The following CDH18 variants were observed in gnomAD, a reference collection of about 807,000 sequenced individuals.
The protein encoded by CDH18 is cadherin-18.
A neutral mutation model predicts 67.9 loss-of-function variants in CDH18; 31 were observed. The observed-to-expected ratio is 0.46, with a 90% CI of 0.34 to 0.62. The LOEUF (loss-of-function observed/expected upper bound fraction) is 0.62, where lower values mean the gene tolerates loss of function less well. Among genes scored for constraint, CDH18 ranks in the 20% least tolerant of loss-of-function variants. The pLI is 0.01. For synonymous variants in CDH18, 362 were observed against 347.2 expected (o/e 1.04, Z -0.48); for missense variants, 890 against 975.5 (o/e 0.91, Z 1.17).
At chr5:20,325,347 A>G (rs925955209) in intron 1 of CDH18, among the ~76,000 whole-genome samples, 9 of 152,176 alleles carry the variant, frequency 5.9e-5, no homozygotes, top group Non-Finnish European at 1.0e-4. Flanking sequence ...TTCCTAGTAT[A>G]TTGTATCCCA....
intron 5 of CDH18, among the ~76,000 whole-genome samples, chr5:19,716,139 G>A (rs1169622357): frequency 6.6e-6 from 1 of 151,996 alleles, no homozygotes; most frequent in Non-Finnish European, 1.5e-5. Flanking sequence ...CTTAAAGAAG[G>A]AGACAAGATA....
chr5:19,845,042 C>T lies in CDH18; in HGVS notation c.-256-5800G>A, dbSNP rs540540436. 2.1e-3 allele frequency among the ~76,000 whole-genome samples: 323 copies of T among 152,210 alleles called. 1 individual carries two copies. Among genetic ancestry groups the T allele is most frequent in the African/African-American group, 7.4e-3 (306 of 41,536 alleles). On this transcript the variant is annotated intron_variant, in intron 2 of 12. Transcript: ENST00000382275. The stretch of plus-strand genomic sequence containing the variant: ...CTAGCCCTTACTAAGAAGACATGCA[C>T]AGTGTTAAATATTACCAAGATGTTA...
chr5:19,926,414 T>A (rs533466515), intron 2 of CDH18, among the ~76,000 whole-genome samples: 1 of 152,304 alleles, frequency 6.6e-6, no homozygotes, highest in African/African-American at 2.4e-5. Context: ...GGTGTTTCTA[T>A]CTGAATTTGC....
chr5:20,540,596 A>G (rs62354273), intron 1 of CDH18, among the ~76,000 whole-genome samples: 2,618 of 152,300 alleles, frequency 0.017, 36 homozygotes, highest in African/African-American at 0.029. Flanking sequence ...AAGAATGGGT[A>G]GAAACACCTG....
intron 5 of CDH18, among the ~76,000 whole-genome samples, chr5:19,635,079 T>C (rs1296032721): frequency 6.6e-6 from 1 of 152,176 alleles, no homozygotes; most frequent in African/African-American, 2.4e-5. Flanking sequence ...TAACACAATG[T>C]TTACACATTA....
chr5:20,534,939 T>A (rs935021833), intron 1 of CDH18, among the ~76,000 whole-genome samples: 3 of 152,020 alleles, frequency 2.0e-5, no homozygotes, highest in African/African-American at 7.2e-5. Context: ...ATTAACACTT[T>A]TGATATTTTT....
rs539849649 is a variant in CDH18, at chr5:20,362,570, T to C, written c.-579-107065A>G. Among the ~76,000 whole-genome samples the C allele has an allele frequency of 8.5e-5, 13 of 152,252 alleles. No individual in the cohort carries two copies. In the East Asian group the frequency reaches 2.3e-3, roughly 27 times the overall value. ...TGCTTCTACTTGGCTTTGGAAGTTG[T>C]ATAGATCACTGACAAGCTACAAAGT... On this transcript the variant is annotated intron_variant, in intron 1 of 14. Transcript: ENST00000507958.
intron 5 of CDH18, among the ~76,000 whole-genome samples, chr5:19,709,914 C>G (rs920914741): frequency 2.0e-5 from 3 of 152,070 alleles, no homozygotes; most frequent in Non-Finnish European, 4.4e-5. Context: ...GTGGGTGGAT[C>G]ACCTGAGGTC....
intron 5 of CDH18, among the ~76,000 whole-genome samples, chr5:19,663,584 G>C (rs1327488986): frequency 6.6e-6 from 1 of 151,904 alleles, no homozygotes; most frequent in Non-Finnish European, 1.5e-5. Flanking sequence ...CTGAAGGAAT[G>C]AAAATGAGAC....
At chr5:19,843,454 T>G (rs1782574271) in intron 2 of CDH18, among the ~76,000 whole-genome samples, 1 of 151,934 alleles carries the variant, frequency 6.6e-6, no homozygotes, top group African/African-American at 2.4e-5. Flanking sequence ...AAACTCCACC[T>G]AGATTTCAGA....
chr5:19,792,280 G>A (rs1776443016), intron 3 of CDH18, among the ~76,000 whole-genome samples: 1 of 152,060 alleles, frequency 6.6e-6, no homozygotes, highest in South Asian at 2.1e-4. Context: ...TCTAGAGCTG[G>A]GGCGTTCATC....
intron 5 of CDH18, among the ~76,000 whole-genome samples, chr5:19,639,966 A>T (rs893602375): frequency 2.0e-5 from 3 of 152,192 alleles, no homozygotes; most frequent in Non-Finnish European, 4.4e-5. Flanking sequence ...GTGAGATAAT[A>T]TATGCAAAAT....
intron 1 of CDH18, among the ~76,000 whole-genome samples, chr5:20,401,649 GTTTTC>G (rs974821144): frequency 6.6e-6 from 1 of 151,922 alleles, no homozygotes; most frequent in African/African-American, 2.4e-5. Context: ...AAAATGTCTT[GTTTTC>G]TTTTCGTCTT....
At chr5:19,514,037 C>T (rs1372673667) in intron 10 of CDH18, among the ~76,000 whole-genome samples, 1 of 152,136 alleles carries the variant, frequency 6.6e-6, no homozygotes, top group Non-Finnish European at 1.5e-5. Flanking sequence ...TGATGTTCCC[C>T]ACCCTGTGTC....
At chr5:20,283,978 G>A (rs1746487728) in intron 1 of CDH18, among the ~76,000 whole-genome samples, 1 of 151,990 alleles carries the variant, frequency 6.6e-6, no homozygotes. Context: ...ATTATGTTAA[G>A]TAAAATAAGC....
rs897376760 is a variant in CDH18 at position 19,996,132 on chromosome 5, T to C, written c.-517-4118A>G. 1.6e-4 allele frequency among the ~76,000 whole-genome samples: 25 copies of C among 152,158 alleles called. 1 individual carries two copies. The highest frequency in any genetic ancestry group is 1.3e-4 in the Non-Finnish European group (9 of 67,994). ...TTGATCTTTTCAGAACGATATTCAA[T>C]TTACCAATGTGCATTTATGCCCATT... On this transcript the variant is annotated intron_variant, in intron 2 of 14. Transcript: ENST00000507958.
intron 3 of CDH18, among the ~76,000 whole-genome samples, chr5:19,822,824 CT>C (rs1780016528): frequency 6.6e-6 from 1 of 152,152 alleles, no homozygotes; most frequent in Admixed American, 6.5e-5. Context: ...GAGGAGGCAA[CT>C]GGTCTGACCA....
chr5:20,058,738 T>G (rs1365709284), intron 2 of CDH18, among the ~76,000 whole-genome samples: 1 of 152,198 alleles, frequency 6.6e-6, no homozygotes, highest in Non-Finnish European at 1.5e-5. Flanking sequence ...GTGAATTTGT[T>G]TGTCTCATTA....
intron 2 of CDH18, among the ~76,000 whole-genome samples, chr5:20,048,986 T>G (rs947892533): frequency 6.6e-6 from 1 of 151,702 alleles, no homozygotes; most frequent in Non-Finnish European, 1.5e-5. Context: ...TTAAATAAAA[T>G]AGAATTCAAA....
Sources: gnomAD v4.1 joint callset for allele counts (sites outside exome capture counted in the v4.1 genomes callset) on GRCh38, gnomAD v4.1.1 for gene constraint, MANE v1.5 for transcripts, NCBI Gene and HGNC (gene_info 2026-07-23, HGNC 2026-07-21) for gene names.